FRMD4A: variants seen among roughly 807,000 people sequenced by gnomAD.
The protein encoded by FRMD4A is FERM domain-containing protein 4A.
A neutral mutation model predicts 129.1 loss-of-function variants in FRMD4A; 29 were observed. That is an observed-to-expected ratio of 0.22 (90% CI 0.17 to 0.31). FRMD4A has a LOEUF of 0.31. Ranked by LOEUF, FRMD4A falls within the 10% of genes least tolerant of loss-of-function variation. FRMD4A has a pLI of 1.00. For synonymous variants in FRMD4A, 634 were observed against 571.6 expected (o/e 1.11, Z -1.56); for missense variants, 1,272 against 1,375.8 (o/e 0.92, Z 1.19).
intron 3 of FRMD4A, among the ~76,000 whole-genome samples, chr10:13,847,085 A>G (rs1379898930): frequency 6.6e-6 from 1 of 152,214 alleles, no homozygotes; most frequent in Non-Finnish European, 1.5e-5. Context: ...TGGCTTCTAA[A>G]GCCTGGCCAA....
intron 3 of FRMD4A, among the ~76,000 whole-genome samples, chr10:13,856,456 G>A (rs1336367063): frequency 1.3e-5 from 2 of 152,092 alleles, no homozygotes; most frequent in Non-Finnish European, 2.9e-5. Flanking sequence ...ACTGTTGGGG[G>A]CTCCAGGAAG....
chr10:13,993,863 A>G (rs1286520935), intron 2 of FRMD4A, among the ~76,000 whole-genome samples: 2 of 151,624 alleles, frequency 1.3e-5, no homozygotes, highest in East Asian at 1.9e-4. Flanking sequence ...AAAAAAATAT[A>G]TATTCTGATT....
At chr10:13,653,142 G>A (rs753949388) in intron 23 of FRMD4A, 5 of 151,908 alleles carry the variant, frequency 3.3e-5, no homozygotes, top group African/African-American at 4.8e-5. Flanking sequence ...TACACAGCAA[G>A]CACTCAGTAA....
chr10:14,229,464 T>C (rs966012247), intron 2 of FRMD4A, among the ~76,000 whole-genome samples: 28 of 152,206 alleles, frequency 1.8e-4, no homozygotes, highest in Admixed American at 2.0e-4. Flanking sequence ...ACTTATGTAC[T>C]CTTACAAAAT....
At chr10:13,885,533 T>C (rs2094609201) in intron 2 of FRMD4A, among the ~76,000 whole-genome samples, 3 of 152,142 alleles carry the variant, frequency 2.0e-5, no homozygotes, top group Admixed American at 6.5e-5. Context: ...CTCTTCCTCA[T>C]TTGCAAAAAT....
chr10:13,802,322 A>C (rs766987756), intron 4 of FRMD4A, among the ~76,000 whole-genome samples: 5 of 152,214 alleles, frequency 3.3e-5, no homozygotes, highest in Admixed American at 6.5e-5. Flanking sequence ...TGATAAGTCT[A>C]TCTGAATCCG....
At chr10:13,974,529 G>T (rs533726930) in intron 2 of FRMD4A, among the ~76,000 whole-genome samples, 27 of 151,678 alleles carry the variant, frequency 1.8e-4, no homozygotes, top group Non-Finnish European at 3.7e-4. Flanking sequence ...TTGACTGATT[G>T]ATTGATTGAT....
At chr10:14,271,784 G>A (rs888145704) in intron 2 of FRMD4A, among the ~76,000 whole-genome samples, 7 of 152,120 alleles carry the variant, frequency 4.6e-5, no homozygotes, top group Non-Finnish European at 7.4e-5. Context: ...TTTTTCTGCT[G>A]ACCTGAAGCA....
intron 2 of FRMD4A, among the ~76,000 whole-genome samples, chr10:13,876,151 A>G (rs1426028984): frequency 3.3e-5 from 5 of 152,280 alleles, no homozygotes; most frequent in African/African-American, 1.2e-4. Context: ...ACTCAGGGAC[A>G]GACGGACTCT....
chr10:13,780,571 C>T (rs1104866), intron 6 of FRMD4A, among the ~76,000 whole-genome samples: 102,651 of 152,068 alleles, frequency 0.68, 35,038 homozygotes, highest in East Asian at 0.86. Flanking sequence ...CAACAGCATG[C>T]GGACATATGC....
At chr10:14,019,520 CAT>C (rs1368612515) in intron 2 of FRMD4A, among the ~76,000 whole-genome samples, 2 of 152,316 alleles carry the variant, frequency 1.3e-5, no homozygotes, top group Non-Finnish European at 2.9e-5. Context: ...GGAAGAGACA[CAT>C]GTGTTTATAG....
intron 2 of FRMD4A, among the ~76,000 whole-genome samples, chr10:14,120,454 A>G (rs75833119): frequency 9.8e-4 from 150 of 152,316 alleles, no homozygotes; most frequent in African/African-American, 3.5e-3. Flanking sequence ...GTTCCTCCAT[A>G]CAGCAGCTGT....
chr10:13,884,042 A>C (rs1218269308), intron 2 of FRMD4A, among the ~76,000 whole-genome samples: 1 of 151,844 alleles, frequency 6.6e-6, no homozygotes, highest in African/African-American at 2.4e-5. Flanking sequence ...GACTTCTCGA[A>C]CTACAAGGAA....
chr10:14,244,072 G>A (rs993708828), intron 2 of FRMD4A, among the ~76,000 whole-genome samples: 1 of 152,158 alleles, frequency 6.6e-6, no homozygotes, highest in African/African-American at 2.4e-5. Context: ...CAAAGGTGAG[G>A]GAGCAAGAAG....
chr10:14,216,480 G>C (rs1307719244), intron 2 of FRMD4A, among the ~76,000 whole-genome samples: 1 of 152,130 alleles, frequency 6.6e-6, no homozygotes, highest in African/African-American at 2.4e-5. Context: ...AGACCAGCCT[G>C]ACCAACATGG....
chr10:14,142,384 G>C (rs964601459), intron 2 of FRMD4A, among the ~76,000 whole-genome samples: 2 of 152,300 alleles, frequency 1.3e-5, no homozygotes, highest in Middle Eastern at 3.4e-3. Flanking sequence ...CTAGTAAAAT[G>C]CTGACCCTTC....
At chr10:14,131,485 G>T (rs773133597) in intron 2 of FRMD4A, among the ~76,000 whole-genome samples, 4 of 151,734 alleles carry the variant, frequency 2.6e-5, no homozygotes, top group African/African-American at 9.7e-5. Flanking sequence ...ACGTGTGACT[G>T]TTCTGGAGAC....
intron 2 of FRMD4A, among the ~76,000 whole-genome samples, chr10:13,877,460 C>T (rs368507745): frequency 6.6e-6 from 1 of 151,592 alleles, no homozygotes; most frequent in African/African-American, 2.4e-5. Flanking sequence ...GAAACAGGGA[C>T]GCTCGAGAAC....
At chr10:13,849,934 C>T (rs944154344) in intron 3 of FRMD4A, among the ~76,000 whole-genome samples, 6 of 151,244 alleles carry the variant, frequency 4.0e-5, no homozygotes, top group South Asian at 2.1e-4. Context: ...TTTGGGAGGC[C>T]GAGGTGGGTG....
Sources: gnomAD v4.1 joint callset for allele counts (sites outside exome capture counted in the v4.1 genomes callset) on GRCh38, gnomAD v4.1.1 for gene constraint, MANE v1.5 for transcripts, NCBI Gene and HGNC (gene_info 2026-07-23, HGNC 2026-07-21) for gene names.